The following ANO1 variants were observed in gnomAD, a reference collection of about 807,000 sequenced individuals.
The protein encoded by ANO1 is anoctamin-1.
Under a neutral mutation model 124.0 loss-of-function variants are expected in ANO1, and 59 were observed. The observed-to-expected ratio is 0.48, with a 90% CI of 0.39 to 0.59. ANO1 has a LOEUF of 0.59. ANO1 is among the 20% of genes least tolerant of loss of function. ANO1 has a pLI of 0.00. For synonymous variants in ANO1, 529 were observed against 532.0 expected (o/e 0.99, Z 0.08); for missense variants, 1,059 against 1,328.0 (o/e 0.80, Z 3.15).
At chr11:69,980,198 T>G in the ANO1 span, among the ~76,000 whole-genome samples, 12 of 152,152 alleles carry the variant, frequency 7.9e-5, no homozygotes, top group East Asian at 2.1e-3. Flanking sequence ...ATGTTCCAAT[T>G]CATCTGAGGT....
intron 1 of ANO1, among the ~76,000 whole-genome samples, chr11:70,008,334 G>A (rs1591030733): frequency 6.6e-6 from 1 of 152,282 alleles, no homozygotes; most frequent in East Asian, 1.9e-4. Context: ...CATGTCATAA[G>A]TTTCTGCCCT....
chr11:70,095,353 A>G lies in ANO1; in HGVS notation c.441+7269A>G, dbSNP rs201043799. On this transcript the variant is annotated intron_variant, in intron 2 of 25. Transcript: ENST00000355303. The stretch of plus-strand genomic sequence containing the variant: ...AGAAAGGAAAGAGAAAGAAAAAGAA[A>G]GAAAGAAAGAAAGAAAGAAAGAAAG... 5.7e-4 allele frequency among the ~76,000 whole-genome samples: 6 copies of G among 10,590 alleles called. No individual in the cohort carries two copies. The East Asian group carries it at 9.7e-3, about 17-fold the overall frequency. 6.9% of individuals were successfully genotyped at this position (10,590 alleles called of 152,430 possible).
intron 2 of ANO1, among the ~76,000 whole-genome samples, chr11:70,096,462 T>C (rs2044966436): frequency 6.6e-6 from 1 of 152,158 alleles, no homozygotes; most frequent in South Asian, 2.1e-4. Context: ...AGATCAGCAG[T>C]GACATGACAT....
chr11:70,056,389 A>G (rs1857434975), intron 1 of ANO1: 1 of 151,978 alleles, frequency 6.6e-6, no homozygotes, highest in Non-Finnish European at 1.5e-5. Flanking sequence ...CATTTGCCTT[A>G]TTATTAATCT....
intron 1 of ANO1, among the ~76,000 whole-genome samples, chr11:69,989,694 A>T (rs1197084118): frequency 1.3e-5 from 2 of 152,154 alleles, no homozygotes; most frequent in Admixed American, 6.5e-5. Context: ...GCTGTCCTAC[A>T]GAGAAAAGGC....
At chr11:70,126,648 G>A (rs2046523444) in intron 10 of ANO1, among the ~76,000 whole-genome samples, 1 of 152,010 alleles carries the variant, frequency 6.6e-6, no homozygotes. Context: ...CGCGGGAGGT[G>A]AGCATGAATG....
In ANO1 at chr11:70,187,848, G is replaced by T; in HGVS notation, c.2805G>T (p.Met935Ile). ...AGGTGCTCATGGTGGAGCTGTTCAT[G>T]CGGGAGGAGCAAGACAAGCAGCAGC... ...KEKVLMVELF[M>I]REEQDKQQLL... Residue 935 changes from methionine to isoleucine, a missense_variant, in exon 26 of 26, where the codon ATG (methionine) becomes ATT (isoleucine). Physicochemically the swap from Met to Ile is conservative, Grantham distance 10. Coordinates refer to ENST00000355303, the MANE Select transcript of ANO1 (RefSeq NM_018043.7). The T allele has an allele frequency of 6.2e-7, 1 of 1,608,648 alleles. No homozygotes were observed. The highest frequency in any genetic ancestry group is 1.1e-5 in the South Asian group (1 of 89,664).
At chr11:70,094,247 G>A (rs1202403722) in intron 2 of ANO1, among the ~76,000 whole-genome samples, 3 of 152,190 alleles carry the variant, frequency 2.0e-5, no homozygotes, top group East Asian at 1.9e-4. Context: ...CCTGCCCGCC[G>A]CCAGGTGACC....
chr11:70,174,327 C>T (rs1330387109), intron 22 of ANO1, among the ~76,000 whole-genome samples: 8 of 150,598 alleles, frequency 5.3e-5, no homozygotes, highest in African/African-American at 1.7e-4. Context: ...ACCCGGGAGG[C>T]GGAGGTTGCA....
chr11:70,137,182 C>T (rs1357345717), intron 11 of ANO1, among the ~76,000 whole-genome samples: 1 of 147,052 alleles, frequency 6.8e-6, no homozygotes, highest in African/African-American at 2.4e-5. Context: ...AGTCTGTCAC[C>T]GCTGAAGCAC....
intron 1 of ANO1, among the ~76,000 whole-genome samples, chr11:70,062,575 C>A (rs554764813): frequency 6.6e-6 from 1 of 152,192 alleles, no homozygotes; most frequent in Non-Finnish European, 1.5e-5. Flanking sequence ...GGTTCAGGAG[C>A]TGCTTTCCCT....
chr11:70,003,988 G>A (rs782496303), intron 1 of ANO1, among the ~76,000 whole-genome samples: 16 of 152,012 alleles, frequency 1.1e-4, no homozygotes, highest in Admixed American at 2.0e-4. Context: ...ACACTGTCCC[G>A]TCCAGACCAC....
chr11:69,995,243 G>C (rs1222750727), intron 1 of ANO1, among the ~76,000 whole-genome samples: 1 of 151,930 alleles, frequency 6.6e-6, no homozygotes, highest in Non-Finnish European at 1.5e-5. Flanking sequence ...GGGACTACAG[G>C]CGCGTGCCAC....
chr11:70,188,189 CA>C lies in ANO1; in HGVS notation c.*188del. 2.7e-6 allele frequency: 2 copies of C among 730,542 alleles called. No individual in the cohort carries two copies. Among genetic ancestry groups the C allele is most frequent in the Non-Finnish European group, 4.4e-6 (2 of 457,654 alleles). The allele number at this position is 730,542 out of a possible 1,614,324, so 45.3% of individuals were successfully genotyped here. On this transcript the variant is annotated 3_prime_UTR_variant, in exon 26 of 26. Coordinates refer to ENST00000355303, the MANE Select transcript of ANO1 (RefSeq NM_018043.7). Reference sequence around the variant, plus strand: ...CTGTTTTCTTTCCCTTGTTTTTGCACAAAGCCATTATGCAGGGAATATTTTT... The same window carrying C: ...CTGTTTTCTTTCCCTTGTTTTTGCACAAGCCATTATGCAGGGAATATTTTT...
chr11:70,110,943 A>G (rs1203862823), intron 6 of ANO1, among the ~76,000 whole-genome samples: 1 of 152,228 alleles, frequency 6.6e-6, no homozygotes, highest in African/African-American at 2.4e-5. Context: ...GTGTTTTTAT[A>G]ATGTGCCCAG....
Position 70,087,815 on chromosome 11 carries a change from G to T in ANO1, c.172G>T (p.Gly58Cys), listed in dbSNP as rs368534768. ...CAAGTATGGCCTGTACTTCAGGGAC[G>T]GCCGGCGCAAGGTGGACTACATCCT... ...ECKYGLYFRD[G>C]RRKVDYILVY... The change falls in exon 2 of 26, where the codon GGC becomes TGC. Residue 58 changes from glycine to cysteine, a missense_variant. Transcript: ENST00000355303. The T allele has an allele frequency of 2.5e-6, 4 of 1,612,976 alleles. No individual in the cohort carries two copies. The highest frequency in any genetic ancestry group is 3.4e-6 in the Non-Finnish European group (4 of 1,179,686).
At chr11:70,089,613 T>C (rs569288859) in intron 2 of ANO1, among the ~76,000 whole-genome samples, 2 of 152,088 alleles carry the variant, frequency 1.3e-5, no homozygotes, top group African/African-American at 2.4e-5. Context: ...CTCTGGAGTT[T>C]TGAGGGCAGG....
At chr11:70,135,288 G>C (rs2046915646) in intron 11 of ANO1, among the ~76,000 whole-genome samples, 1 of 152,220 alleles carries the variant, frequency 6.6e-6, no homozygotes, top group African/African-American at 2.4e-5. Flanking sequence ...ATGGAAAAGA[G>C]AGACTTTAGA....
At chr11:70,148,329 C>T (rs2047462558) in intron 11 of ANO1, among the ~76,000 whole-genome samples, 1 of 152,112 alleles carries the variant, frequency 6.6e-6, no homozygotes, top group South Asian at 2.1e-4. Context: ...CACCGTGAGG[C>T]TTAAATCACA....
Sources: gnomAD v4.1 joint callset for allele counts (sites outside exome capture counted in the v4.1 genomes callset) on GRCh38, gnomAD v4.1.1 for gene constraint, MANE v1.5 for transcripts, NCBI Gene and HGNC (gene_info 2026-07-23, HGNC 2026-07-21) for gene names.